The following SYT9 variants were observed in gnomAD, a reference collection of about 807,000 sequenced individuals.
SYT9 encodes synaptotagmin-9.
In SYT9, 22 loss-of-function variants were observed where a neutral mutation model predicts 48.4. That is an observed-to-expected ratio of 0.45 (90% CI 0.32 to 0.65). SYT9 has a LOEUF of 0.65. SYT9 is among the 30% of genes least tolerant of loss of function. SYT9 has a pLI of 0.03. For synonymous variants in SYT9, 265 were observed against 245.0 expected, an observed-to-expected ratio of 1.08 and a Z score of -0.76; for missense variants, 577 against 622.0, an observed-to-expected ratio of 0.93 and a Z score of 0.77.
chr11:7,279,936 A>T lies in SYT9; in HGVS notation c.146-23103A>T, dbSNP rs74975426. On this transcript the variant is annotated intron_variant, in intron 1 of 6. Coordinates refer to ENST00000318881, the MANE Select transcript of SYT9 (RefSeq NM_175733.4). Reference sequence around the variant, plus strand: ...GATGAGGCAAATCTTTTGAGCAGTAAAATGGGATTTTGCATCAGGTAAAGA... The same window carrying T: ...GATGAGGCAAATCTTTTGAGCAGTATAATGGGATTTTGCATCAGGTAAAGA... Among the ~76,000 whole-genome samples, 513 of 152,324 alleles carry T rather than the reference A, an allele frequency of 3.4e-3. 1 individual carries two copies. The highest frequency in any genetic ancestry group is 0.012 in the African/African-American group (487 of 41,566).
rs895887578 is a variant in SYT9, at chr11:7,251,974, G to A, written c.-213G>A. On this transcript the variant is annotated 5_prime_UTR_variant, in exon 1 of 7. Coordinates refer to ENST00000318881, the MANE Select transcript of SYT9 (RefSeq NM_175733.4). ...ACGGAGGGACCGGGCGGGAGAGAGA[G>A]AAAGCCTGACCGACCGGCTGGCGAA... 4 of 464,870 alleles carry A rather than the reference G, an allele frequency of 8.6e-6. No homozygotes were observed. Among genetic ancestry groups the A allele is most frequent in the Non-Finnish European group, 1.1e-5 (3 of 272,492 alleles). 28.8% of individuals were successfully genotyped at this position (464,870 alleles called of 1,614,324 possible).
At chr11:7,382,295 A>G (rs892687030) in intron 3 of SYT9, among the ~76,000 whole-genome samples, 6 of 152,164 alleles carry the variant, frequency 3.9e-5, no homozygotes, top group African/African-American at 1.4e-4. Flanking sequence ...GGAAAAGGAG[A>G]AAATTGGACA....
At position 7,252,441 on chromosome 11, in the gene SYT9, G is replaced by T; in HGVS notation, c.145+110G>T. The T allele has an allele frequency of 8.2e-7, 1 of 1,215,900 alleles. No individual in the cohort carries two copies. The highest frequency in any genetic ancestry group is 2.1e-5 in the South Asian group (1 of 46,598). 75.3% of individuals were successfully genotyped at this position (1,215,900 alleles called of 1,614,324 possible). A position where few individuals can be genotyped will look rare whatever the true frequency, so the allele number is the denominator to read the frequency against. ...GACGCGGACTGGGAGAGGGCGGGGG[G>T]CGGCCACCGAGCCAGGAGAGTGATC... On this transcript the variant is annotated intron_variant, in intron 1 of 6. Coordinates refer to ENST00000318881, the MANE Select transcript of SYT9 (RefSeq NM_175733.4). This position sits in a 1 kb window ranked among gnomAD's most constrained non-coding sequence, Gnocchi z 6.3.
chr11:7,416,637 T>G (rs868579363), intron 4 of SYT9, among the ~76,000 whole-genome samples: 5 of 152,344 alleles, frequency 3.3e-5, no homozygotes, highest in Middle Eastern at 3.4e-3. Context: ...TTAGGTATTG[T>G]AAGCAATCTA....
chr11:7,259,500 TGTTA>T (rs1848039294), intron 1 of SYT9, among the ~76,000 whole-genome samples: 1 of 152,144 alleles, frequency 6.6e-6, no homozygotes, highest in Admixed American at 6.5e-5. Context: ...GGTAGATCTA[TGTTA>T]GTTAGTCCTG....
Position 7,313,766 on chromosome 11 carries a change from T to A in SYT9, c.869T>A (p.Leu290Ter). The part of the protein sequence containing the change: ...TLNPVFDEVF[L>*]FPVPYNDLEA... Reference sequence around the variant, plus strand: ...AACCCTGTGTTTGATGAAGTGTTTTTATTTCCGGTTCCCTACAATGACCTT... The same window carrying A: ...AACCCTGTGTTTGATGAAGTGTTTTAATTTCCGGTTCCCTACAATGACCTT... Residue 290 changes from leucine to a stop codon, truncating the protein, a stop_gained, in exon 3 of 7, where the codon TTA becomes TAA. Transcript: ENST00000318881. LOFTEE classifies it high-confidence loss of function. 1 of 1,614,214 alleles carries A rather than the reference T, an allele frequency of 6.2e-7. No homozygotes were observed. Among genetic ancestry groups the A allele is most frequent in the Non-Finnish European group, 8.5e-7 (1 of 1,180,026 alleles).
At chr11:7,362,263 G>C (rs1850153914) in intron 3 of SYT9, among the ~76,000 whole-genome samples, 2 of 151,558 alleles carry the variant, frequency 1.3e-5, no homozygotes, top group African/African-American at 4.9e-5. Flanking sequence ...TCCTGCCTCA[G>C]CCTCCTGAGA....
chr11:7,300,843 CA>C (rs1176303528), intron 1 of SYT9, among the ~76,000 whole-genome samples: 1 of 152,098 alleles, frequency 6.6e-6, no homozygotes, highest in East Asian at 1.9e-4. Context: ...TGTGAGCGGT[CA>C]GAACCAGGTG....
intron 1 of SYT9, among the ~76,000 whole-genome samples, chr11:7,243,062 A>C (rs1410926406): frequency 6.6e-6 from 1 of 152,052 alleles, no homozygotes; most frequent in African/African-American, 2.4e-5. Context: ...ATAAATAAAT[A>C]AATAAATATA....
intron 3 of SYT9, among the ~76,000 whole-genome samples, chr11:7,350,573 C>T (rs1849894896): frequency 6.6e-6 from 1 of 152,204 alleles, no homozygotes; most frequent in Non-Finnish European, 1.5e-5. Flanking sequence ...TAGATACACA[C>T]CTCAAAATGC....
intron 3 of SYT9, among the ~76,000 whole-genome samples, chr11:7,411,901 T>C (rs779098358): frequency 1.3e-4 from 20 of 152,226 alleles, no homozygotes; most frequent in Non-Finnish European, 2.5e-4. Context: ...TTCTTTTTTA[T>C]TCTTTTTATT....
Position 7,467,472 on chromosome 11 carries a change from TCTG to T in SYT9, c.*675_*677del, listed in dbSNP as rs1848355989. On this transcript the variant is annotated 3_prime_UTR_variant, in exon 7 of 7. Transcript: ENST00000318881. ...TACCAGTATCAACATGGCCCTGTTT[TCTG>T]CTAAAACCAGATTTTGAGGAATCAG... 1 of 152,256 alleles carries T rather than the reference TCTG, an allele frequency of 6.6e-6. No homozygotes were observed. The highest frequency in any genetic ancestry group is 1.5e-5 in the Non-Finnish European group (1 of 68,064). The allele number at this position is 152,256 out of a possible 1,614,324, so 9.4% of individuals were successfully genotyped here. A position where few individuals can be genotyped will look rare whatever the true frequency, so the allele number is the denominator to read the frequency against.
chr11:7,266,224 G>A (rs1848179088), intron 1 of SYT9, among the ~76,000 whole-genome samples: 1 of 152,078 alleles, frequency 6.6e-6, no homozygotes, highest in African/African-American at 2.4e-5. Context: ...CACCGTGACT[G>A]CTACTTTAGA....
At chr11:7,402,459 G>T (rs1189874138) in intron 3 of SYT9, among the ~76,000 whole-genome samples, 2 of 152,016 alleles carry the variant, frequency 1.3e-5, no homozygotes, top group African/African-American at 4.8e-5. Flanking sequence ...TTGTGGATTT[G>T]ACTGTTTCTA....
At chr11:7,272,565 T>G (rs913495785) in intron 1 of SYT9, among the ~76,000 whole-genome samples, 2 of 152,182 alleles carry the variant, frequency 1.3e-5, no homozygotes, top group East Asian at 3.8e-4. Flanking sequence ...GAACTTACCA[T>G]GGACTGGTCA....
upstream of SYT9, among the ~76,000 whole-genome samples, chr11:7,251,099 G>GACACACACACACAC (rs369736479): frequency 0.017 from 2,288 of 131,918 alleles, 33 homozygotes; most frequent in East Asian, 0.056. Context: ...GTGGCACAGT[G>GACACACACACACAC]ACACACACAC....
intron 3 of SYT9, among the ~76,000 whole-genome samples, chr11:7,356,178 T>C (rs1465792887): frequency 1.3e-5 from 2 of 152,162 alleles, no homozygotes; most frequent in Non-Finnish European, 2.9e-5. Context: ...CAAAAAACGG[T>C]GATGATCCCA....
intron 3 of SYT9, among the ~76,000 whole-genome samples, chr11:7,357,464 T>C (rs1850042197): frequency 6.6e-6 from 1 of 152,130 alleles, no homozygotes; most frequent in Admixed American, 6.6e-5. Flanking sequence ...AAATGTCTCC[T>C]CAAAGATGGT....
At chr11:7,419,009 T>A (rs1847301678) in intron 5 of SYT9, among the ~76,000 whole-genome samples, 1 of 152,226 alleles carries the variant, frequency 6.6e-6, no homozygotes, top group African/African-American at 2.4e-5. Context: ...ACCTGAACAC[T>A]CTTTCCAGCA....
Sources: gnomAD v4.1 joint callset for allele counts (sites outside exome capture counted in the v4.1 genomes callset) on GRCh38, gnomAD v4.1.1 for gene constraint, Gnocchi (gnomAD v3.1) non-coding constraint, MANE v1.5 for transcripts, NCBI Gene and HGNC (gene_info 2026-07-23, HGNC 2026-07-21) for gene names.